The following C12orf50 variants were observed in gnomAD, a reference collection of about 807,000 sequenced individuals.
C12orf50 encodes zinc finger CCCH-type containing 11D.
In C12orf50, 35 loss-of-function variants were observed where a neutral mutation model predicts 61.6. The observed-to-expected ratio is 0.57, with a 90% CI of 0.43 to 0.75. The LOEUF is 0.75. Ranked by LOEUF, C12orf50 falls within the 30% of genes least tolerant of loss-of-function variation. The probability of loss-of-function intolerance (pLI) is 0.00; values close to 1 mark genes in which losing one functional copy is unlikely to be tolerated. For synonymous variants in C12orf50, 178 were observed against 161.5 expected, an observed-to-expected ratio of 1.10 and a Z score of -0.77; for missense variants, 475 against 488.5, an observed-to-expected ratio of 0.97 and a Z score of 0.26.
chr12:87,985,755 G>A (rs1028142520), intron 11 of C12orf50, 95 bp downstream of exon 11: 28 of 1,199,984 alleles, frequency 2.3e-5, no homozygotes, highest in Non-Finnish European at 3.2e-5. Context: ...AAGAAGAGGG[G>A]AGTAAGTAGT....
At chr12:88,021,469 C>G (rs1301915462) in intron 3 of C12orf50, among the ~76,000 whole-genome samples, 3 of 152,072 alleles carry the variant, frequency 2.0e-5, no homozygotes, top group African/African-American at 7.2e-5. Flanking sequence ...GAAACCCAGT[C>G]TCTACTAAAA....
At chr12:87,980,754 TA>T (rs1466531068) in intron 12 of C12orf50, among the ~76,000 whole-genome samples, 1 of 152,180 alleles carries the variant, frequency 6.6e-6, no homozygotes, top group Non-Finnish European at 1.5e-5. Flanking sequence ...CTTCTGCCCC[TA>T]ATTCCCACAG....
chr12:88,005,695 A>C (rs2031833171), intron 3 of C12orf50, among the ~76,000 whole-genome samples: 1 of 152,010 alleles, frequency 6.6e-6, no homozygotes, highest in African/African-American at 2.4e-5. Flanking sequence ...GCTGGAGTGC[A>C]GTGGCGCTAT....
intron 11 of C12orf50, chr12:87,984,908 TAATA>T (rs1565738157): frequency 1.3e-5 from 2 of 152,088 alleles, no homozygotes; most frequent in African/African-American, 2.4e-5. Flanking sequence ...AAGATAATAG[TAATA>T]AATAAAATTA....
chr12:87,998,001 T>A (rs2031487432), intron 4 of C12orf50, 34 bp downstream of exon 4: 4 of 1,553,382 alleles, frequency 2.6e-6, no homozygotes, highest in Admixed American at 3.6e-5. Context: ...GGTTTTTGAA[T>A]GTGTATTGTA....
chr12:87,987,692 G>A (rs2030895010), intron 9 of C12orf50, among the ~76,000 whole-genome samples, 158 bp downstream of exon 9: 1 of 146,016 alleles, frequency 6.8e-6, no homozygotes, highest in Non-Finnish European at 1.6e-5. Context: ...CATTGTCAGA[G>A]TTAGTTAGTA....
At chr12:88,028,198 A>G (rs1348480875) in intron 1 of C12orf50, among the ~76,000 whole-genome samples, 1 of 152,240 alleles carries the variant, frequency 6.6e-6, no homozygotes, top group Non-Finnish European at 1.5e-5. Context: ...ACTTGGGGAT[A>G]CAGCAGTGAA....
intron 3 of C12orf50, among the ~76,000 whole-genome samples, chr12:88,014,152 G>A (rs1384420128): frequency 6.6e-6 from 1 of 152,254 alleles, no homozygotes; most frequent in East Asian, 1.9e-4. Context: ...AGAAGTCTAT[G>A]GGGTAGAGTG....
chr12:88,029,926 C>T (rs953375520), upstream of C12orf50, among the ~76,000 whole-genome samples: 1 of 152,088 alleles, frequency 6.6e-6, no homozygotes, highest in Non-Finnish European at 1.5e-5. Flanking sequence ...ATATCTTCTT[C>T]CTATAGCAGA....
chr12:87,987,927 G>A lies in C12orf50; in HGVS notation c.740C>T (p.Thr247Ile). ...TACATGCGTTGTAGGTACTAGTCGG[G>A]TAGTTAGGGAATGCTTTGGATGAGG... Reference protein sequence around the residue: ...DSPHPKHSLTTRLVPTTHVLN... With the variant: ...DSPHPKHSLTIRLVPTTHVLN... Residue 247 changes from threonine (T) to isoleucine (I), a missense_variant, in exon 9 of 13, where the codon ACC becomes ATC. Thr to Ile is a moderately conservative substitution (Grantham distance 89, BLOSUM62 -1). Coordinates refer to ENST00000298699, the MANE Select transcript of C12orf50 (RefSeq NM_152589.3). 6.2e-7 allele frequency: 1 copy of A among 1,611,356 alleles called. No individual in the cohort carries two copies. Among genetic ancestry groups the A allele is most frequent in the Non-Finnish European group, 8.5e-7 (1 of 1,178,216 alleles).
In C12orf50 at chr12:88,025,741, A is replaced by AAAAC. The variant is rs545683990; in HGVS notation, c.133+743_133+746dup. Among the ~76,000 whole-genome samples the AAAAC allele has an allele frequency of 5.5e-3, 840 of 152,294 alleles. 14 individuals are homozygous for AAAAC. The highest frequency in any genetic ancestry group is 0.019 in the African/African-American group (773 of 41,562). On this transcript the variant is annotated intron_variant, in intron 3 of 12. Coordinates refer to ENST00000298699, the MANE Select transcript of C12orf50 (RefSeq NM_152589.3). The stretch of plus-strand genomic sequence containing the variant: ...GTGACAGAGCGAGACTCCGTCTCAA[A>AAAAC]AAACAAACAAACAAACAAACAAAAA...
chr12:87,996,517 G>A, intron 5 of C12orf50, 30 bp from the exon 6 acceptor site: 1 of 1,586,264 alleles, frequency 6.3e-7, no homozygotes, highest in Non-Finnish European at 8.7e-7. Flanking sequence ...GTAATGGTTA[G>A]TATATTTATC....
intron 3 of C12orf50, among the ~76,000 whole-genome samples, chr12:88,011,121 C>T (rs753983854): frequency 2.8e-4 from 42 of 152,080 alleles, no homozygotes; most frequent in Non-Finnish European, 5.3e-4. Context: ...TTCTGAAAGA[C>T]ATATTTTTTA....
intron 3 of C12orf50, among the ~76,000 whole-genome samples, chr12:88,015,341 T>C (rs575796653): frequency 6.6e-6 from 1 of 152,362 alleles, no homozygotes; most frequent in South Asian, 2.1e-4. Context: ...AGGCAGATAA[T>C]AAACACAGAG....
At chr12:88,006,341 C>G (rs907308030) in intron 3 of C12orf50, among the ~76,000 whole-genome samples, 19 of 152,180 alleles carry the variant, frequency 1.2e-4, no homozygotes, top group Admixed American at 1.2e-3. Context: ...CCCCAATCAC[C>G]ATTGTTTTCA....
At chr12:87,982,915 G>A (rs1277461640) in intron 12 of C12orf50, among the ~76,000 whole-genome samples, 188 bp downstream of exon 12, 2 of 151,988 alleles carry the variant, frequency 1.3e-5, no homozygotes, top group Non-Finnish European at 2.9e-5. Flanking sequence ...AGGCAAAGAG[G>A]AACACAGTAA....
At chr12:87,981,876 T>A (rs2030493156) in intron 12 of C12orf50, among the ~76,000 whole-genome samples, 1 of 152,088 alleles carries the variant, frequency 6.6e-6, no homozygotes, top group African/African-American at 2.4e-5. Context: ...AAATTTCTCT[T>A]CAAAGCTTTT....
At chr12:87,989,156 A>G in intron 8 of C12orf50, 108 bp downstream of exon 8, 1 of 731,440 alleles carries the variant, frequency 1.4e-6, no homozygotes, top group South Asian at 1.8e-5. Flanking sequence ...TATTCAGTGT[A>G]TATTTTGATT....
rs1442653139 is a variant in C12orf50 at position 87,989,298 on chromosome 12, T to C, written c.666A>G (p.Lys222=). The change falls in exon 8 of 13, where the codon AAA becomes AAG. Residue 222 remains lysine, a synonymous_variant. Transcript: ENST00000298699. ...VDESEALTEE[K]EITISKCSNT... is the part of the protein sequence containing the mutation. ...TTGAACATTTTGATATGGTGATTTC[T>C]TTCTCTTCAGTTAAAGCTTCACTTT... 1.9e-6 allele frequency: 3 copies of C among 1,611,134 alleles called. No homozygotes were observed. In the South Asian group the frequency reaches 3.3e-5, roughly 18 times the overall value.
Sources: allele counts gnomAD v4.1 joint callset (sites outside exome capture counted in the v4.1 genomes callset), GRCh38; gene constraint gnomAD v4.1.1; transcripts MANE v1.5; gene names NCBI Gene and HGNC (gene_info 2026-07-23, HGNC 2026-07-21).